Variants in NKAIN2 observed in about 807,000 individuals in gnomAD.
NKAIN2 encodes the protein sodium/potassium-transporting ATPase subunit beta-1-interacting protein 2.
Under a neutral mutation model 32.6 loss-of-function variants are expected in NKAIN2, and 14 were observed. The ratio of observed to expected loss-of-function variants is 0.43; its 90% CI spans 0.28 to 0.67. The LOEUF is 0.67. Among genes scored for constraint, NKAIN2 ranks in the 30% least tolerant of loss-of-function variants. The probability of loss-of-function intolerance (pLI) is 0.17; values close to 1 mark genes in which losing one functional copy is unlikely to be tolerated. For synonymous variants in NKAIN2, 80 were observed against 87.2 expected (o/e 0.92, Z 0.46); for missense variants, 198 against 258.3 (o/e 0.77, Z 1.60).
chr6:124,324,442 G>T (rs1399074005), intron 2 of NKAIN2, among the ~76,000 whole-genome samples: 3 of 152,024 alleles, frequency 2.0e-5, no homozygotes, highest in Non-Finnish European at 4.4e-5. Context: ...TGATGTCATA[G>T]TCTGTGATCT....
At chr6:124,164,234 A>T (rs57227513) in intron 1 of NKAIN2, among the ~76,000 whole-genome samples, 2 of 152,100 alleles carry the variant, frequency 1.3e-5, no homozygotes, top group South Asian at 4.1e-4. Flanking sequence ...TGCCACGGAA[A>T]ATAGAGAGCC....
intron 1 of NKAIN2, among the ~76,000 whole-genome samples, chr6:124,063,871 A>G (rs1783030859): frequency 6.6e-6 from 1 of 152,168 alleles, no homozygotes; most frequent in Admixed American, 6.6e-5. Flanking sequence ...CCCTGGCAAT[A>G]AAAATATATT....
intron 3 of NKAIN2, among the ~76,000 whole-genome samples, chr6:124,463,318 A>G (rs1294778317): frequency 6.6e-6 from 1 of 152,094 alleles, no homozygotes; most frequent in African/African-American, 2.4e-5. Context: ...ATTTCAACCA[A>G]TTATGTGCAT....
chr6:124,543,356 A>G (rs1176677241), intron 3 of NKAIN2, among the ~76,000 whole-genome samples: 34 of 152,186 alleles, frequency 2.2e-4, no homozygotes, highest in Non-Finnish European at 1.5e-5. Context: ...TAAATAACTC[A>G]TTATACACTT....
At chr6:123,831,694 C>T (rs1404749339) in intron 1 of NKAIN2, among the ~76,000 whole-genome samples, 3 of 140,130 alleles carry the variant, frequency 2.1e-5, no homozygotes, top group Admixed American at 1.5e-4. Flanking sequence ...TTTGCTCTGT[C>T]GCCCAGGCTG....
At chr6:124,221,760 G>A (rs1426034255) in intron 1 of NKAIN2, among the ~76,000 whole-genome samples, 4 of 151,986 alleles carry the variant, frequency 2.6e-5, no homozygotes, top group African/African-American at 7.3e-5. Flanking sequence ...TCCTTGCTCT[G>A]TTCTGGTAAA....
At chr6:124,172,618 T>C (rs1562400814) in intron 1 of NKAIN2, among the ~76,000 whole-genome samples, 1 of 152,152 alleles carries the variant, frequency 6.6e-6, no homozygotes, top group Non-Finnish European at 1.5e-5. Flanking sequence ...AAAAAGTATA[T>C]ATTCTTGTGG....
intron 3 of NKAIN2, among the ~76,000 whole-genome samples, chr6:124,567,865 C>G (rs1780979732): frequency 1.3e-5 from 2 of 152,178 alleles, no homozygotes; most frequent in African/African-American, 2.4e-5. Context: ...AAAACAATCA[C>G]AAGCTGGATT....
intron 1 of NKAIN2, among the ~76,000 whole-genome samples, chr6:124,236,459 A>C (rs1178281113): frequency 1.3e-5 from 2 of 152,188 alleles, no homozygotes; most frequent in African/African-American, 4.8e-5. Context: ...TTGTGGGAAC[A>C]ATATGAGTGA....
At chr6:124,645,474 TG>T (rs777749818) in intron 3 of NKAIN2, among the ~76,000 whole-genome samples, 1 of 152,196 alleles carries the variant, frequency 6.6e-6, no homozygotes, top group Admixed American at 6.5e-5. Context: ...CTGCATACTA[TG>T]CAGCAAGACC....
chr6:124,766,553 T>C (rs1417919698), intron 4 of NKAIN2, among the ~76,000 whole-genome samples: 1 of 152,170 alleles, frequency 6.6e-6, no homozygotes, highest in Non-Finnish European at 1.5e-5. Flanking sequence ...TTGCTGACCC[T>C]TAGTACTCCA....
chr6:124,704,472 A>G lies in NKAIN2; in HGVS notation c.474+46086A>G, dbSNP rs149782086. Among the ~76,000 whole-genome samples, 383 of 152,126 alleles carry G rather than the reference A, an allele frequency of 2.5e-3. 3 individuals carry two copies. The highest frequency in any genetic ancestry group is 4.4e-3 in the Non-Finnish European group (297 of 67,890). On this transcript the variant is annotated intron_variant, in intron 4 of 6. Transcript: ENST00000368417. ...CCAAGATGGCTGATGAATTCTGAAT[A>G]GCAGTGGAAGGCTAACTTGTTCCAA...
intron 2 of NKAIN2, among the ~76,000 whole-genome samples, chr6:124,337,295 G>A (rs948242423): frequency 2.6e-5 from 4 of 152,110 alleles, no homozygotes; most frequent in South Asian, 2.1e-4. Flanking sequence ...TTAGGAGTGC[G>A]AGACCAGCCT....
chr6:124,185,848 C>T (rs966010040), intron 1 of NKAIN2, among the ~76,000 whole-genome samples: 9 of 123,814 alleles, frequency 7.3e-5, no homozygotes, highest in African/African-American at 2.3e-4. Context: ...ATAATACCAA[C>T]ATCAAATAAT....
chr6:124,549,819 A>T (rs1312722726), intron 3 of NKAIN2, among the ~76,000 whole-genome samples: 1 of 152,166 alleles, frequency 6.6e-6, no homozygotes, highest in African/African-American at 2.4e-5. Context: ...GAAGCTATGT[A>T]CCCTACCTCA....
intron 1 of NKAIN2, among the ~76,000 whole-genome samples, chr6:123,826,081 A>G (rs1000381051): frequency 1.3e-5 from 2 of 152,120 alleles, no homozygotes; most frequent in Non-Finnish European, 2.9e-5. Flanking sequence ...ATCCCATTCT[A>G]TGGTATTCTT....
intron 1 of NKAIN2, among the ~76,000 whole-genome samples, chr6:124,279,624 T>C (rs1795203662): frequency 6.6e-6 from 1 of 151,902 alleles, no homozygotes; most frequent in Non-Finnish European, 1.5e-5. Context: ...AATTGAACTG[T>C]AGGTCAGTTT....
intron 1 of NKAIN2, among the ~76,000 whole-genome samples, chr6:124,185,680 C>CT (rs957822474): frequency 6.6e-6 from 1 of 152,112 alleles, no homozygotes; most frequent in Admixed American, 6.5e-5. Flanking sequence ...TACAAATATA[C>CT]TTTTTATTTA....
At chr6:124,293,877 G>T (rs542830314) in intron 2 of NKAIN2, among the ~76,000 whole-genome samples, 85 of 152,054 alleles carry the variant, frequency 5.6e-4, no homozygotes, top group Middle Eastern at 3.4e-3. Flanking sequence ...CAAGATAATG[G>T]GAAGAGGCAA....
Sources: allele counts gnomAD v4.1 joint callset (sites outside exome capture counted in the v4.1 genomes callset), GRCh38; gene constraint gnomAD v4.1.1; transcripts MANE v1.5; gene names NCBI Gene and HGNC (gene_info 2026-07-23, HGNC 2026-07-21).